The following SLIT2 variants were observed in gnomAD, a reference collection of about 807,000 sequenced individuals.
SLIT2 encodes slit homolog 2 protein.
SLIT2 carries 41 observed loss-of-function variants against 185.7 expected under a neutral mutation model. The ratio of observed to expected loss-of-function variants is 0.22; its 90% CI spans 0.17 to 0.29. SLIT2 has a LOEUF of 0.29. Among genes scored for constraint, SLIT2 ranks in the 10% least tolerant of loss-of-function variants. The pLI is 1.00. For synonymous variants in SLIT2, 693 were observed against 680.2 expected, an observed-to-expected ratio of 1.02 and a Z score of -0.29; for missense variants, 1,571 against 1,909.0, an observed-to-expected ratio of 0.82 and a Z score of 3.30.
intron 4 of SLIT2, among the ~76,000 whole-genome samples, chr4:20,398,911 C>T (rs1726140563): frequency 6.6e-6 from 1 of 151,688 alleles, no homozygotes; most frequent in South Asian, 2.1e-4. Flanking sequence ...TAAATTCATG[C>T]AGTTATACTT....
chr4:20,581,900 C>T (rs1344975456), intron 29 of SLIT2, among the ~76,000 whole-genome samples: 1 of 152,214 alleles, frequency 6.6e-6, no homozygotes, highest in Non-Finnish European at 1.5e-5. Flanking sequence ...GCACCCACTA[C>T]CACACCTGGC....
At position 20,254,012 on chromosome 4, in the gene SLIT2, G is replaced by C. The variant is rs566736008; in HGVS notation, c.179+18G>C. Reference sequence around the variant, plus strand: ...GAGAGACTGTGAGTATGCGCTCTTCGTCTTCCCCTCTCCCCATCCGGGCCG... The same window carrying C: ...GAGAGACTGTGAGTATGCGCTCTTCCTCTTCCCCTCTCCCCATCCGGGCCG... On this transcript the variant is annotated intron_variant, in intron 1 of 36. Transcript: ENST00000504154. This position sits in a 1 kb window ranked among gnomAD's most constrained non-coding sequence, Gnocchi z 5.1. 1.6e-5 allele frequency: 26 copies of C among 1,594,044 alleles called. No homozygotes were observed. The African/African-American group carries it at 3.2e-4, about 20-fold the overall frequency.
intron 4 of SLIT2, among the ~76,000 whole-genome samples, chr4:20,439,441 G>A (rs1402968379): frequency 1.3e-5 from 2 of 152,142 alleles, no homozygotes; most frequent in African/African-American, 4.8e-5. Context: ...GCAATCTGTG[G>A]TCTTCCTTGG....
At chr4:20,355,766 G>A (rs569229616) in intron 4 of SLIT2, among the ~76,000 whole-genome samples, 4 of 152,156 alleles carry the variant, frequency 2.6e-5, no homozygotes, top group African/African-American at 7.2e-5. Flanking sequence ...GTAGAAGTAC[G>A]CAAGAAAGTG....
intron 14 of SLIT2, 56 bp downstream of exon 14, chr4:20,524,233 C>A (rs2148849819): frequency 6.5e-7 from 1 of 1,543,278 alleles, no homozygotes; most frequent in South Asian, 1.1e-5. Context: ...TACATGAGAC[C>A]TAACAAAAGC....
chr4:20,327,096 A>G (rs1719661881), intron 4 of SLIT2, among the ~76,000 whole-genome samples: 1 of 151,974 alleles, frequency 6.6e-6, no homozygotes, highest in Non-Finnish European at 1.5e-5. Flanking sequence ...CCTATTATTC[A>G]TATTCTTTCC....
chr4:20,566,853 C>T (rs1447720048), intron 26 of SLIT2, among the ~76,000 whole-genome samples: 1 of 151,940 alleles, frequency 6.6e-6, no homozygotes. Context: ...AAAATTTGCT[C>T]ACCCCACACC....
At chr4:20,299,918 A>T (rs1246894349) in intron 4 of SLIT2, among the ~76,000 whole-genome samples, 1 of 152,034 alleles carries the variant, frequency 6.6e-6, no homozygotes, top group Non-Finnish European at 1.5e-5. Flanking sequence ...ATCTATTGAG[A>T]TAATGCCTAG....
Position 20,253,791 on chromosome 4 carries a change from G to A in SLIT2, c.-25G>A, listed in dbSNP as rs746399209. 1 of 1,595,908 alleles carries A rather than the reference G, an allele frequency of 6.3e-7. No individual in the cohort carries two copies. The highest frequency in any genetic ancestry group is 8.5e-7 in the Non-Finnish European group (1 of 1,177,960). On this transcript the variant is annotated 5_prime_UTR_variant, in exon 1 of 37. Coordinates refer to ENST00000504154, the MANE Select transcript of SLIT2 (RefSeq NM_004787.4). ...AAGCTAAAGAAAGCCCCCAGTGCCG[G>A]CGAGGAAGGAGGCGGCGGGGAAAGA... is the stretch of plus-strand genomic sequence containing the variant.
At chr4:20,424,199 A>G (rs1047623430) in intron 4 of SLIT2, among the ~76,000 whole-genome samples, 4 of 152,132 alleles carry the variant, frequency 2.6e-5, no homozygotes, top group African/African-American at 9.7e-5. Context: ...GTACAAACTA[A>G]CCATAAAACA....
At chr4:20,467,726 A>C (rs911772477) in intron 4 of SLIT2, 26 bp from the exon 5 acceptor site, 1 of 1,415,766 alleles carries the variant, frequency 7.1e-7, no homozygotes, top group African/African-American at 1.4e-5. Context: ...TTCTAACGTG[A>C]TCCTTTTTGT....
At chr4:20,324,098 G>A (rs965929831) in intron 4 of SLIT2, among the ~76,000 whole-genome samples, 3 of 152,104 alleles carry the variant, frequency 2.0e-5, no homozygotes, top group African/African-American at 4.8e-5. Flanking sequence ...TAGGGGTGGC[G>A]AAACAGAGCT....
chr4:20,315,701 T>C (rs1050494433), intron 4 of SLIT2, among the ~76,000 whole-genome samples: 1 of 152,056 alleles, frequency 6.6e-6, no homozygotes, highest in African/African-American at 2.4e-5. Flanking sequence ...TAGGGTAGCA[T>C]TGGCATATGT....
At position 20,511,257 on chromosome 4, in the gene SLIT2, AAT is replaced by A. The variant is rs1025658951; in HGVS notation, c.1058+121_1058+122del. 3.4e-5 allele frequency: 20 copies of A among 582,700 alleles called. No individual in the cohort carries two copies. The Admixed American group carries it at 4.6e-4, about 13-fold the overall frequency. 36.1% of individuals were successfully genotyped at this position (582,700 alleles called of 1,614,324 possible). On this transcript the variant is annotated intron_variant, in intron 11 of 36. Transcript: ENST00000504154. Reference sequence around the variant, plus strand: ...TTATTATGAATAATGAATTATTAATAATGTTAATTATTATTAACCACTTCTGG... The same window carrying A: ...TTATTATGAATAATGAATTATTAATAGTTAATTATTATTAACCACTTCTGG...
chr4:20,407,697 G>A (rs1726884717), intron 4 of SLIT2, among the ~76,000 whole-genome samples: 1 of 152,060 alleles, frequency 6.6e-6, no homozygotes, highest in Non-Finnish European at 1.5e-5. Flanking sequence ...TACCTTTTTT[G>A]TTTGAGTTAA....
At chr4:20,563,372 G>A (rs1724848598) in intron 26 of SLIT2, among the ~76,000 whole-genome samples, 1 of 151,804 alleles carries the variant, frequency 6.6e-6, no homozygotes, top group South Asian at 2.1e-4. Context: ...ACATTTCTTG[G>A]AACCAGTTAG....
intron 4 of SLIT2, among the ~76,000 whole-genome samples, chr4:20,311,995 G>A (rs1718150148): frequency 6.6e-6 from 1 of 152,130 alleles, no homozygotes; most frequent in Non-Finnish European, 1.5e-5. Flanking sequence ...CCACAATGTG[G>A]TATTTTCTAA....
intron 4 of SLIT2, chr4:20,393,468 A>G (rs746779985): frequency 6.6e-6 from 1 of 152,052 alleles, no homozygotes; most frequent in African/African-American, 2.4e-5. Context: ...GCATTTTTTA[A>G]TAAATAATTT....
intron 29 of SLIT2, among the ~76,000 whole-genome samples, chr4:20,583,212 TTTGTTGTTG>T: frequency 6.6e-6 from 1 of 152,192 alleles, no homozygotes; most frequent in South Asian, 2.1e-4. Context: ...ATAGGAATAG[TTTGTTGTTG>T]TTGTTGTTGT....
Sources: gnomAD v4.1 joint callset for allele counts (sites outside exome capture counted in the v4.1 genomes callset) on GRCh38, gnomAD v4.1.1 for gene constraint, Gnocchi (gnomAD v3.1) non-coding constraint, MANE v1.5 for transcripts, NCBI Gene and HGNC (gene_info 2026-07-23, HGNC 2026-07-21) for gene names.